The following ARAP1 variants were observed in gnomAD, a reference collection of about 807,000 sequenced individuals.
The protein encoded by ARAP1 is arf-GAP with Rho-GAP domain, ANK repeat and PH domain-containing protein 1.
Under a neutral mutation model 172.2 loss-of-function variants are expected in ARAP1, and 76 were observed. The ratio of observed to expected loss-of-function variants is 0.44; its 90% CI spans 0.37 to 0.53. The LOEUF is 0.53. Among genes scored for constraint, ARAP1 ranks in the 20% least tolerant of loss-of-function variants. The pLI, the probability that ARAP1 is intolerant of heterozygous loss-of-function variation, is 0.00. For synonymous variants in ARAP1, 804 were observed against 803.3 expected, an observed-to-expected ratio of 1.00 and a Z score of -0.01; for missense variants, 1,686 against 1,977.5, an observed-to-expected ratio of 0.85 and a Z score of 2.80.
intron 3 of ARAP1, among the ~76,000 whole-genome samples, chr11:72,724,367 G>A (rs751530687): frequency 6.6e-6 from 1 of 152,148 alleles, no homozygotes; most frequent in Non-Finnish European, 1.5e-5. Flanking sequence ...TTGAGAGAGT[G>A]AGTTCCCCAT....
chr11:72,707,326 C>T lies in ARAP1; in HGVS notation c.1572G>A (p.Met524Ile). ...ACAGGGCCTCAGCGATGGCTCCCTGCATGGCCTCCAACCACTGCTCCTTCT... is the reference window on the plus strand; with the variant it reads ...ACAGGGCCTCAGCGATGGCTCCCTGTATGGCCTCCAACCACTGCTCCTTCT... Reference protein sequence around the residue: ...ELEKEQWLEAMQGAIAEALST... With the variant: ...ELEKEQWLEAIQGAIAEALST... The change falls in exon 12 of 35, where the codon ATG becomes ATA. Residue 524 changes from methionine (M) to isoleucine (I), a missense_variant. Physicochemically the swap from Met to Ile is conservative, Grantham distance 10. Transcript: ENST00000393609. 3.1e-6 allele frequency: 5 copies of T among 1,613,694 alleles called. No homozygotes were observed. Among genetic ancestry groups the T allele is most frequent in the Non-Finnish European group, 4.2e-6 (5 of 1,179,906 alleles).
At chr11:72,697,544 G>C (rs1259992697) in intron 20 of ARAP1, 54 bp downstream of exon 20, 11 of 1,613,190 alleles carry the variant, frequency 6.8e-6, no homozygotes, top group Non-Finnish European at 6.8e-6. Flanking sequence ...CTGTCCCCAG[G>C]CCCATCAGAC....
intron 1 of ARAP1, among the ~76,000 whole-genome samples, chr11:72,747,215 T>G (rs906951972): frequency 6.6e-6 from 1 of 152,146 alleles, no homozygotes; most frequent in Non-Finnish European, 1.5e-5. Context: ...CCCACCCTCT[T>G]GCCTTTACCG....
At chr11:72,702,393 G>A (rs1169412956) in intron 15 of ARAP1, among the ~76,000 whole-genome samples, 1 of 152,152 alleles carries the variant, frequency 6.6e-6, no homozygotes, top group African/African-American at 2.4e-5. Flanking sequence ...GCCACGAGCT[G>A]TGCTGCTCAG....
Position 72,713,252 on chromosome 11 carries a change from A to G in ARAP1, c.680-9T>C. ...ATCGTAGTCAGAGTCATCTGGTGAG[A>G]GAGGGGTTGGGGGGCCTCAGGGCAA... On this transcript the variant is annotated splice_polypyrimidine_tract_variant and intron_variant, in intron 4 of 34. Coordinates refer to ENST00000393609, the MANE Select transcript of ARAP1 (RefSeq NM_001040118.3). 1 of 1,612,092 alleles carries G rather than the reference A, an allele frequency of 6.2e-7. No individual in the cohort carries two copies. The highest frequency in any genetic ancestry group is 8.5e-7 in the Non-Finnish European group (1 of 1,179,034).
At chr11:72,721,353 C>T (rs908643025) in intron 3 of ARAP1, among the ~76,000 whole-genome samples, 1 of 152,190 alleles carries the variant, frequency 6.6e-6, no homozygotes, top group African/African-American at 2.4e-5. Context: ...CTCCCCATCA[C>T]CCTGGTCTGG....
intron 1 of ARAP1, among the ~76,000 whole-genome samples, chr11:72,736,080 A>G (rs546823548): frequency 6.6e-6 from 1 of 152,328 alleles, no homozygotes; most frequent in Non-Finnish European, 1.5e-5. Flanking sequence ...CAGAATCATC[A>G]GTACTGTTCC....
chr11:72,718,733 A>G (rs1857390831), intron 3 of ARAP1, among the ~76,000 whole-genome samples: 1 of 150,670 alleles, frequency 6.6e-6, no homozygotes, highest in African/African-American at 2.4e-5. Flanking sequence ...TCTATTTTAT[A>G]GAATCAGAGA....
intron 1 of ARAP1, among the ~76,000 whole-genome samples, chr11:72,747,056 C>CG (rs1191119431): frequency 6.6e-6 from 1 of 152,184 alleles, no homozygotes; most frequent in Non-Finnish European, 1.5e-5. Context: ...TCTTCTGTCC[C>CG]GGGGGTTAAG....
At position 72,699,070 on chromosome 11, in the gene ARAP1, G is replaced by A. The variant is rs757182541; in HGVS notation, c.2476C>T (p.Arg826Trp). 5 of 1,614,102 alleles carry A rather than the reference G, an allele frequency of 3.1e-6. No homozygotes were observed. Among genetic ancestry groups the A allele is most frequent in the South Asian group, 2.2e-5 (2 of 91,084 alleles). ...HTFEVYTEGERLYLFGLESAE... is the reference protein window; with the variant it reads ...HTFEVYTEGEWLYLFGLESAE... ...CTCTCCAGCCCAAACAGGTACAGCCGTTCTCCCTCCGTGTACACCTCAAAG... is the reference window on the plus strand; with the variant it reads ...CTCTCCAGCCCAAACAGGTACAGCCATTCTCCCTCCGTGTACACCTCAAAG... Residue 826 changes from arginine to tryptophan, a missense_variant, in exon 18 of 35, where the codon CGG (arginine) becomes TGG (tryptophan). Physicochemically the swap from Arg to Trp is moderately radical, Grantham distance 101 (BLOSUM62 -3). This residue lies in a region of ARAP1 where 688 missense variants were observed against 856.9 expected (regional missense o/e 0.80). Coordinates refer to ENST00000393609, the MANE Select transcript of ARAP1 (RefSeq NM_001040118.3). This position sits in a 1 kb window ranked among gnomAD's most constrained non-coding sequence, Gnocchi z 4.2.
chr11:72,718,408 T>C (rs1857373951), intron 3 of ARAP1, among the ~76,000 whole-genome samples: 2 of 151,978 alleles, frequency 1.3e-5, no homozygotes, highest in African/African-American at 4.8e-5. Flanking sequence ...ACCCACTGAC[T>C]TGTCACCCAC....
chr11:72,715,178 CG>C (rs1857218592), intron 3 of ARAP1, among the ~76,000 whole-genome samples: 2 of 152,182 alleles, frequency 1.3e-5, no homozygotes. Flanking sequence ...TTCTGTGAAA[CG>C]GGGGCTATAT....
chr11:72,695,894 TGA>T lies in ARAP1; in HGVS notation c.3273-31_3273-30del, dbSNP rs1435635596. 6.3e-7 allele frequency: 1 copy of T among 1,596,176 alleles called. No homozygotes were observed. The highest frequency in any genetic ancestry group is 1.3e-5 in the African/African-American group (1 of 74,646). On this transcript the variant is annotated intron_variant, in intron 23 of 34. Transcript: ENST00000393609. The surrounding 1 kb of genome is among the most constrained non-coding windows in gnomAD (Gnocchi z 4.4). ...GAGAGGGGAGGAGGAGGGCTTTGAG[TGA>T]GGAGTCAGGCCAGAGCTTCCCATCT...
chr11:72,697,355 A>ACGATCAC lies in ARAP1; in HGVS notation c.2914_2920dup (p.Val974GlyfsTer55). On this transcript the variant is annotated frameshift_variant, in exon 21 of 35. Coordinates refer to ENST00000393609, the MANE Select transcript of ARAP1 (RefSeq NM_001040118.3). LOFTEE classifies it high-confidence loss of function. ...CGTGATGTAGTCCACACAGCGGTAC[A>ACGATCAC]CGATCACCGGGATATCCGAGTCCCC... 3 of 1,601,808 alleles carry ACGATCAC rather than the reference A, an allele frequency of 1.9e-6. No individual in the cohort carries two copies. The highest frequency in any genetic ancestry group is 2.6e-6 in the Non-Finnish European group (3 of 1,174,536).
chr11:72,750,560 A>T (rs774660377), intron 1 of ARAP1, among the ~76,000 whole-genome samples: 1 of 151,020 alleles, frequency 6.6e-6, no homozygotes, highest in Non-Finnish European at 1.5e-5. Flanking sequence ...TCAATGCTGG[A>T]GACAGGACTT....
chr11:72,744,739 T>C (rs1858302633), intron 1 of ARAP1, among the ~76,000 whole-genome samples: 1 of 151,884 alleles, frequency 6.6e-6, no homozygotes, highest in Admixed American at 6.6e-5. Flanking sequence ...CCCTCCCCCG[T>C]CCCCCACATA....
intron 11 of ARAP1, among the ~76,000 whole-genome samples, chr11:72,707,584 G>A (rs1367817692): frequency 6.6e-6 from 1 of 152,212 alleles, no homozygotes; most frequent in East Asian, 1.9e-4. Context: ...AGCCCAGTGG[G>A]GGGCTCTGCC....
intron 11 of ARAP1, among the ~76,000 whole-genome samples, chr11:72,709,045 C>CAAAAAAAA (rs34249967): frequency 2.0e-5 from 1 of 50,290 alleles, no homozygotes; most frequent in Non-Finnish European, 4.5e-5. Context: ...TCTCAAAAAG[C>CAAAAAAAA]AAAAAAAAAA....
In ARAP1 at chr11:72,721,737, G is replaced by T. The variant is rs920466168; in HGVS notation, c.509+4883C>A. The T allele has an allele frequency of 7.8e-6, 7 of 895,954 alleles. No individual in the cohort carries two copies. The African/African-American group carries it at 1.1e-4, about 14-fold the overall frequency. 55.5% of individuals were successfully genotyped at this position (895,954 alleles called of 1,614,324 possible). ...CTAAGAGAAAAAAAGAGAAGGGGGA[G>T]GAGAGCAGCACAGAAAACCAGGCCA... On this transcript the variant is annotated intron_variant, in intron 3 of 34. Transcript: ENST00000393609.
Sources: allele counts gnomAD v4.1 joint callset (sites outside exome capture counted in the v4.1 genomes callset), GRCh38; gene constraint gnomAD v4.1.1; regional missense constraint gnomAD v4.1.1; non-coding constraint Gnocchi (gnomAD v3.1); transcripts MANE v1.5; gene names NCBI Gene and HGNC (gene_info 2026-07-23, HGNC 2026-07-21).